The following ESRRG variants were observed in gnomAD, a reference collection of about 807,000 sequenced individuals.
ESRRG encodes the protein estrogen related receptor gamma, also known as estrogen-related receptor gamma.
ESRRG carries 13 observed loss-of-function variants against 44.0 expected under a neutral mutation model. The observed-to-expected ratio is 0.30, with a 90% CI of 0.19 to 0.47. ESRRG has a LOEUF of 0.47. Among genes scored for constraint, ESRRG ranks in the 20% least tolerant of loss-of-function variants. The probability of loss-of-function intolerance (pLI) is 1.00; values close to 1 mark genes in which losing one functional copy is unlikely to be tolerated. For missense variants in ESRRG, 395 were observed against 580.6 expected, an observed-to-expected ratio of 0.68 and a Z score of 3.29; for synonymous variants, 215 against 214.6, an observed-to-expected ratio of 1.00 and a Z score of -0.02.
intron 3 of ESRRG, 76 bp downstream of exon 3, chr1:216,650,897 T>C (rs898215199): frequency 4.6e-6 from 4 of 869,776 alleles, no homozygotes; most frequent in East Asian, 4.8e-5. Context: ...CTGGTTTCTC[T>C]AAAACTGGTG....
At chr1:216,811,778 A>G (rs2094977931) in intron 2 of ESRRG, among the ~76,000 whole-genome samples, 1 of 152,204 alleles carries the variant, frequency 6.6e-6, no homozygotes, top group African/African-American at 2.4e-5. Flanking sequence ...ATACAGTACC[A>G]TTGATTTTTA....
chr1:216,588,188 T>G (rs2057007082), intron 3 of ESRRG, among the ~76,000 whole-genome samples: 1 of 152,156 alleles, frequency 6.6e-6, no homozygotes, highest in African/African-American at 2.4e-5. Flanking sequence ...AATCTAACGA[T>G]TTAACTTGAT....
chr1:216,984,816 T>C lies in ESRRG; in HGVS notation c.-105-45143A>G, dbSNP rs924570959. Among the ~76,000 whole-genome samples the C allele has an allele frequency of 6.6e-5, 10 of 152,188 alleles. 1 individual carries two copies. The highest frequency in any genetic ancestry group is 3.9e-4 in the Admixed American group (6 of 15,280). The stretch of plus-strand genomic sequence containing the variant: ...TCTACATACCCGTGGATTTGTGGCA[T>C]CCCAGGAGAAGTCTGGGTCCATAAA... On this transcript the variant is annotated intron_variant, in intron 1 of 7. Transcript: ENST00000359162.
At chr1:217,004,113 T>C (rs571283780) in intron 1 of ESRRG, among the ~76,000 whole-genome samples, 1 of 152,230 alleles carries the variant, frequency 6.6e-6, no homozygotes, top group South Asian at 2.1e-4. Flanking sequence ...TATTAAACAA[T>C]GTTTACATTT....
intron 1 of ESRRG, among the ~76,000 whole-genome samples, chr1:216,948,557 C>CT (rs964388045): frequency 2.7e-5 from 4 of 150,470 alleles, no homozygotes; most frequent in African/African-American, 9.8e-5. Flanking sequence ...TAGCTAATGA[C>CT]TATTAGCTAA....
At chr1:216,875,971 A>C (rs2096345813) in intron 2 of ESRRG, among the ~76,000 whole-genome samples, 1 of 152,194 alleles carries the variant, frequency 6.6e-6, no homozygotes, top group Admixed American at 6.5e-5. Flanking sequence ...GATATCAGGC[A>C]AAAATGAAAA....
chr1:217,129,043 T>TA lies in ESRRG; in HGVS notation c.-230+8623dup, dbSNP rs376026047. Among the ~76,000 whole-genome samples, 312 of 152,084 alleles carry TA rather than the reference T, an allele frequency of 2.1e-3. 1 individual carries two copies. Among genetic ancestry groups the TA allele is most frequent in the South Asian group, 0.017 (82 of 4,812 alleles). On this transcript the variant is annotated intron_variant, in intron 1 of 8. Transcript: ENST00000366940. The stretch of plus-strand genomic sequence containing the variant: ...TAACAGAGCACTATCAACAAAGTGT[T>TA]AAAAAAACCCACAGAATAAGAGAAA...
chr1:216,539,846 G>A lies in ESRRG; in HGVS notation c.863-20425C>T, dbSNP rs148324707. On this transcript the variant is annotated intron_variant, in intron 5 of 6. Transcript: ENST00000408911. ...CTCACCTTTGACGCAAAAAAAAAGC[G>A]AATTAAGTTAATTTGAGATGTAAAA... is the stretch of plus-strand genomic sequence containing the variant. Among the ~76,000 whole-genome samples, 854 of 151,854 alleles carry A rather than the reference G, an allele frequency of 5.6e-3. 7 individuals are homozygous for A. Among genetic ancestry groups the A allele is most frequent in the African/African-American group, 0.019 (806 of 41,460 alleles).
intron 2 of ESRRG, among the ~76,000 whole-genome samples, chr1:216,663,709 T>C (rs1294899158): frequency 6.6e-6 from 1 of 152,164 alleles, no homozygotes; most frequent in African/African-American, 2.4e-5. Context: ...CTGAGCTGCC[T>C]TCTGGAGTGG....
At chr1:216,946,835 G>A (rs1275022242) in intron 1 of ESRRG, among the ~76,000 whole-genome samples, 1 of 152,030 alleles carries the variant, frequency 6.6e-6, no homozygotes, top group Non-Finnish European at 1.5e-5. Context: ...TGAGTAGCGA[G>A]ATTATAGGCA....
chr1:216,754,195 A>C (rs1400338838), intron 2 of ESRRG, among the ~76,000 whole-genome samples: 1 of 152,010 alleles, frequency 6.6e-6, no homozygotes, highest in Non-Finnish European at 1.5e-5. Context: ...GAAATATAAG[A>C]CCCAAAATGA....
At chr1:216,694,891 T>C (rs996692579) in intron 1 of ESRRG, among the ~76,000 whole-genome samples, 4 of 152,172 alleles carry the variant, frequency 2.6e-5, no homozygotes, top group Non-Finnish European at 4.4e-5. Flanking sequence ...CTGTTTTGGC[T>C]CCAGCATTTT....
chr1:216,911,621 T>C lies in ESRRG; in HGVS notation c.-14+27961A>G, dbSNP rs146665604. Among the ~76,000 whole-genome samples the C allele has an allele frequency of 4.9e-3, 742 of 152,256 alleles. 8 individuals are homozygous for C. Among genetic ancestry groups the C allele is most frequent in the African/African-American group, 0.017 (699 of 41,540 alleles). On this transcript the variant is annotated intron_variant, in intron 2 of 7. Coordinates refer to the ESRRG transcript ENST00000359162. ...GGTGATAATGATGTGTCAGTGCAGGTTCATCAATCGTAACAAATGTACCAC... is the reference window on the plus strand; with the variant it reads ...GGTGATAATGATGTGTCAGTGCAGGCTCATCAATCGTAACAAATGTACCAC...
At chr1:216,594,503 C>T (rs1450735543) in intron 3 of ESRRG, among the ~76,000 whole-genome samples, 4 of 152,158 alleles carry the variant, frequency 2.6e-5, no homozygotes, top group Non-Finnish European at 5.9e-5. Context: ...AAACTGTCTT[C>T]TATCAACCCT....
At chr1:216,757,298 T>A (rs974927802) in intron 2 of ESRRG, among the ~76,000 whole-genome samples, 4 of 151,994 alleles carry the variant, frequency 2.6e-5, no homozygotes, top group Non-Finnish European at 5.9e-5. Flanking sequence ...CTACTTCTGA[T>A]GGGAGACTGA....
chr1:216,873,373 G>A (rs972068191), intron 2 of ESRRG, among the ~76,000 whole-genome samples: 42 of 151,836 alleles, frequency 2.8e-4, no homozygotes, highest in African/African-American at 6.5e-4. Context: ...CAGCACACCC[G>A]GCTAATTTTT....
chr1:216,978,051 T>A (rs192319806), intron 1 of ESRRG, among the ~76,000 whole-genome samples: 1 of 152,236 alleles, frequency 6.6e-6, no homozygotes, highest in African/African-American at 2.4e-5. Flanking sequence ...ATGAATTTAT[T>A]TTCTTTATAG....
rs568908045 is a variant in ESRRG at position 216,770,305 on chromosome 1, A to T, written c.-13-92814T>A. 5.5e-4 allele frequency among the ~76,000 whole-genome samples: 84 copies of T among 152,296 alleles called. 1 individual carries two copies. In the South Asian group the frequency reaches 0.011, roughly 20 times the overall value. ...GATGAGTTTAACTTTTTATAAACAC[A>T]CAGGAGACTTAAACATGTAAGAAAA... On this transcript the variant is annotated intron_variant, in intron 2 of 7. Transcript: ENST00000359162.
chr1:216,952,259 G>A (rs1277014074), intron 1 of ESRRG, among the ~76,000 whole-genome samples: 2 of 152,092 alleles, frequency 1.3e-5, no homozygotes, highest in Non-Finnish European at 2.9e-5. Context: ...TTCAGGAAAG[G>A]GTGATTTGTT....
Sources: gnomAD v4.1 joint callset for allele counts (sites outside exome capture counted in the v4.1 genomes callset) on GRCh38, gnomAD v4.1.1 for gene constraint, MANE v1.5 for transcripts, NCBI Gene and HGNC (gene_info 2026-07-23, HGNC 2026-07-21) for gene names.